WDPCP: variants seen among roughly 807,000 people sequenced by gnomAD.
WDPCP encodes WD repeat-containing and planar cell polarity effector protein fritz homolog.
Under a neutral mutation model 93.1 loss-of-function variants are expected in WDPCP, and 71 were observed. The ratio of observed to expected loss-of-function variants is 0.76; its 90% CI spans 0.63 to 0.93. The LOEUF (loss-of-function observed/expected upper bound fraction) is 0.93. Ranked by LOEUF, WDPCP falls within the 40% of genes least tolerant of loss-of-function variation. WDPCP has a pLI of 0.00. For synonymous variants in WDPCP, 315 were observed against 315.0 expected, an observed-to-expected ratio of 1.00 and a Z score of 0.00; for missense variants, 844 against 887.4, an observed-to-expected ratio of 0.95 and a Z score of 0.62.
intron 1 of WDPCP, among the ~76,000 whole-genome samples, chr2:63,546,807 C>T (rs190545956): frequency 5.5e-4 from 83 of 151,850 alleles, no homozygotes; most frequent in African/African-American, 1.9e-3. Flanking sequence ...GAAACAAACT[C>T]AAAAACTTAA....
intron 14 of WDPCP, among the ~76,000 whole-genome samples, chr2:63,194,094 C>A (rs539208450): frequency 2.0e-5 from 3 of 152,302 alleles, no homozygotes; most frequent in African/African-American, 7.2e-5. Flanking sequence ...GGAATTATTA[C>A]AAACCTTTAA....
chr2:63,606,431 T>G (rs1276347406), intron 3 of WDPCP, among the ~76,000 whole-genome samples: 1 of 152,170 alleles, frequency 6.6e-6, no homozygotes, highest in Non-Finnish European at 1.5e-5. Context: ...TTTACTAAAA[T>G]AGACATTTTT....
intron 2 of WDPCP, among the ~76,000 whole-genome samples, chr2:63,740,895 C>T (rs1020976497): frequency 1.9e-4 from 29 of 152,168 alleles, no homozygotes; most frequent in Non-Finnish European, 3.7e-4. Context: ...GTTCTTTCTC[C>T]TGTCCATGAG....
chr2:63,383,171 G>C (rs1692457264), intron 10 of WDPCP, among the ~76,000 whole-genome samples: 1 of 151,842 alleles, frequency 6.6e-6, no homozygotes, highest in Admixed American at 6.6e-5. Flanking sequence ...AAATACACTG[G>C]ATGTACAAAA....
intron 2 of WDPCP, among the ~76,000 whole-genome samples, chr2:63,791,123 G>A (rs1670538646): frequency 6.6e-6 from 1 of 152,152 alleles, no homozygotes; most frequent in Admixed American, 6.5e-5. Context: ...GAGATAGGCT[G>A]TTTCCAATTC....
chr2:63,764,782 A>G (rs1392819633), intron 2 of WDPCP, among the ~76,000 whole-genome samples: 1 of 152,208 alleles, frequency 6.6e-6, no homozygotes, highest in East Asian at 1.9e-4. Flanking sequence ...ATGAAGGAGG[A>G]GTTTGGGCTG....
intron 9 of WDPCP, among the ~76,000 whole-genome samples, chr2:63,430,031 A>C (rs1024510915): frequency 8.7e-5 from 13 of 150,080 alleles, no homozygotes; most frequent in African/African-American, 3.2e-4. Context: ...ACACCATGAA[A>C]TACTATGCAG....
chr2:63,191,241 T>C (rs766732480), intron 14 of WDPCP, among the ~76,000 whole-genome samples: 1 of 151,830 alleles, frequency 6.6e-6, no homozygotes, highest in Non-Finnish European at 1.5e-5. Flanking sequence ...AAATTACAAA[T>C]ATTAGCCAGG....
chr2:63,601,889 G>C (rs1226564427), intron 3 of WDPCP, among the ~76,000 whole-genome samples: 1 of 152,160 alleles, frequency 6.6e-6, no homozygotes, highest in African/African-American at 2.4e-5. Context: ...TACCATACCA[G>C]CTAAATTTAA....
At chr2:63,401,855 G>C (rs1343418342) in intron 10 of WDPCP, among the ~76,000 whole-genome samples, 10 of 152,084 alleles carry the variant, frequency 6.6e-5, no homozygotes, top group African/African-American at 2.4e-4. Context: ...TGGAGAAATA[G>C]GAACACTTTT....
At chr2:63,518,656 T>A (rs1702715773) in intron 1 of WDPCP, 1 of 152,376 alleles carries the variant, frequency 6.6e-6, no homozygotes, top group African/African-American at 2.4e-5. Flanking sequence ...AGGGGAACTG[T>A]CAGACCTGAA....
intron 2 of WDPCP, among the ~76,000 whole-genome samples, chr2:63,703,875 A>G (rs1193604131): frequency 6.6e-6 from 1 of 152,132 alleles, no homozygotes; most frequent in East Asian, 1.9e-4. Context: ...CATTGAATCT[A>G]TAAATTACCT....
chr2:63,712,767 G>A (rs908871020), intron 2 of WDPCP, among the ~76,000 whole-genome samples: 12 of 152,180 alleles, frequency 7.9e-5, no homozygotes, highest in African/African-American at 2.7e-4. Context: ...CCTGTAGTGT[G>A]TTCTCATTAA....
At chr2:63,572,705 A>C (rs1707616652) in intron 1 of WDPCP, among the ~76,000 whole-genome samples, 1 of 140,210 alleles carries the variant, frequency 7.1e-6, no homozygotes, top group Non-Finnish European at 1.6e-5. Context: ...CTGTCTCAAA[A>C]AAAAAAAAAA....
intron 10 of WDPCP, among the ~76,000 whole-genome samples, chr2:63,390,797 G>T (rs4671499): frequency 0.56 from 85,266 of 151,964 alleles, 24,266 homozygotes; most frequent in Admixed American, 0.64. Context: ...TAGAAGAAAT[G>T]GATAAATTCC....
chr2:63,259,399 T>C lies in WDPCP; in HGVS notation c.1823A>G (p.Tyr608Cys), dbSNP rs2104772563. 14 of 1,610,896 alleles carry C rather than the reference T, an allele frequency of 8.7e-6. No homozygotes were observed. Among genetic ancestry groups the C allele is most frequent in the Non-Finnish European group, 1.2e-5 (14 of 1,179,166 alleles). Residue 608 changes from tyrosine to cysteine, a missense_variant, in exon 14 of 18, where the codon TAC (tyrosine) becomes TGC (cysteine). By Grantham distance (194) the Tyr-to-Cys change is radical (BLOSUM62 -2). Coordinates refer to ENST00000272321, the MANE Select transcript of WDPCP (RefSeq NM_015910.7). ...GARDLFMDIH[Y>C]LALDKGELAL... ...CAATTCACCTTTATCTAGTGCAAGG[T>C]AATGAATATCCTGAGGAAATAAAGC...
At chr2:63,324,750 A>C (rs1022297162) in intron 12 of WDPCP, among the ~76,000 whole-genome samples, 3 of 152,236 alleles carry the variant, frequency 2.0e-5, no homozygotes, top group African/African-American at 7.2e-5. Context: ...AGCTGTCCCC[A>C]GTATGGATCC....
At chr2:63,815,326 C>T (rs1251958453) in intron 1 of WDPCP, among the ~76,000 whole-genome samples, 3 of 152,080 alleles carry the variant, frequency 2.0e-5, no homozygotes, top group Non-Finnish European at 4.4e-5. Context: ...AAATAATAAT[C>T]AGAGACTTTC....
chr2:63,396,315 G>A (rs969128731), intron 10 of WDPCP, among the ~76,000 whole-genome samples: 1 of 152,120 alleles, frequency 6.6e-6, no homozygotes, highest in Non-Finnish European at 1.5e-5. Flanking sequence ...AAATTTCCAA[G>A]AGAAAAATCA....
Sources: gnomAD v4.1 joint callset for allele counts (sites outside exome capture counted in the v4.1 genomes callset) on GRCh38, gnomAD v4.1.1 for gene constraint, MANE v1.5 for transcripts, NCBI Gene and HGNC (gene_info 2026-07-23, HGNC 2026-07-21) for gene names.